The following CHRM3 variants were observed in gnomAD, a reference collection of about 807,000 sequenced individuals.
The protein encoded by CHRM3 is cholinergic receptor muscarinic 3, also known as muscarinic acetylcholine receptor M3.
CHRM3 carries 11 observed loss-of-function variants against 41.8 expected under a neutral mutation model. The ratio of observed to expected loss-of-function variants is 0.26; its 90% CI spans 0.17 to 0.44. The LOEUF is 0.44. Ranked by LOEUF, CHRM3 falls within the 20% of genes least tolerant of loss-of-function variation. The probability of loss-of-function intolerance (pLI) is 1.00; values close to 1 mark genes in which losing one functional copy is unlikely to be tolerated. For missense variants in CHRM3, 571 were observed against 745.4 expected (o/e 0.77, Z 2.72); for synonymous variants, 297 against 301.4 (o/e 0.99, Z 0.15).
At chr1:239,522,910 G>A (rs2248916) in intron 2 of CHRM3, among the ~76,000 whole-genome samples, 70,273 of 151,886 alleles carry the variant, frequency 0.46, 17,053 homozygotes, top group Middle Eastern at 0.63. Context: ...CCTTTCTTTA[G>A]TGTATAGTAT....
chr1:239,877,353 AG>A (rs556723432), intron 6 of CHRM3, among the ~76,000 whole-genome samples: 53 of 152,128 alleles, frequency 3.5e-4, no homozygotes, highest in Non-Finnish European at 6.2e-4. Flanking sequence ...AGGCTGAGGC[AG>A]GTGGATCACT....
chr1:239,473,546 C>T (rs1178921477), intron 1 of CHRM3, among the ~76,000 whole-genome samples: 5 of 152,028 alleles, frequency 3.3e-5, no homozygotes, highest in Non-Finnish European at 5.9e-5. Context: ...TAGCAATGTA[C>T]AGTAAAGCAG....
At chr1:239,820,067 G>T (rs998626037) in intron 5 of CHRM3, among the ~76,000 whole-genome samples, 2 of 152,062 alleles carry the variant, frequency 1.3e-5, no homozygotes, top group African/African-American at 4.8e-5. Flanking sequence ...ACCTGTTTCC[G>T]AACCCTCAAG....
At chr1:239,644,404 G>A (rs905543822) in intron 4 of CHRM3, among the ~76,000 whole-genome samples, 30 of 151,246 alleles carry the variant, frequency 2.0e-4, no homozygotes, top group South Asian at 8.4e-4. Context: ...GAGCCTACAT[G>A]TGGACTCTTA....
At chr1:239,615,068 T>C (rs1014091049) in intron 3 of CHRM3, among the ~76,000 whole-genome samples, 5 of 152,150 alleles carry the variant, frequency 3.3e-5, no homozygotes, top group African/African-American at 1.2e-4. Context: ...GTGGGGCAGA[T>C]ACCCTGAAGA....
At chr1:239,676,724 A>G (rs752628783) in intron 4 of CHRM3, among the ~76,000 whole-genome samples, 6 of 152,180 alleles carry the variant, frequency 3.9e-5, no homozygotes, top group Non-Finnish European at 7.3e-5. Flanking sequence ...CCCCTAGCAC[A>G]TGGTAGGGGT....
chr1:239,454,884 C>T (rs1205110864), intron 1 of CHRM3, among the ~76,000 whole-genome samples: 1 of 152,094 alleles, frequency 6.6e-6, no homozygotes, highest in Admixed American at 6.6e-5. Flanking sequence ...GCTCACTACC[C>T]GTGCATGTGT....
chr1:239,836,728 G>T (rs528121778), intron 6 of CHRM3, among the ~76,000 whole-genome samples: 1 of 152,044 alleles, frequency 6.6e-6, no homozygotes, highest in African/African-American at 2.4e-5. Context: ...CTGTAATCTC[G>T]GCACTTTGGG....
At chr1:239,890,688 T>G (rs1002462649) in intron 6 of CHRM3, among the ~76,000 whole-genome samples, 1 of 152,220 alleles carries the variant, frequency 6.6e-6, no homozygotes, top group Non-Finnish European at 1.5e-5. Context: ...ATTCATAGCA[T>G]GTTGTATATG....
At chr1:239,452,665 A>G (rs1002504770) in intron 1 of CHRM3, among the ~76,000 whole-genome samples, 1 of 152,240 alleles carries the variant, frequency 6.6e-6, no homozygotes, top group African/African-American at 2.4e-5. Flanking sequence ...TATAAATTGT[A>G]ACAGAACTCT....
rs549685367 is a variant in CHRM3 at position 239,586,965 on chromosome 1, G to T, written c.-313+41216G>T. ...AATACAGGTCTTTTGGATAAAGCTG[G>T]ATTTGAAAACATGGCTGGTTGAGAA... On this transcript the variant is annotated intron_variant, in intron 3 of 6. Coordinates refer to ENST00000676153, the MANE Select transcript of CHRM3 (RefSeq NM_001375978.1). Among the ~76,000 whole-genome samples, 43 of 152,272 alleles carry T rather than the reference G, an allele frequency of 2.8e-4. 1 individual carries two copies. The South Asian group carries it at 8.9e-3, about 32-fold the overall frequency.
chr1:239,431,221 C>G (rs1572272490), intron 1 of CHRM3, among the ~76,000 whole-genome samples: 1 of 152,240 alleles, frequency 6.6e-6, no homozygotes, highest in East Asian at 1.9e-4. Context: ...TTAATCTATG[C>G]AACCTTGTTT....
intron 2 of CHRM3, among the ~76,000 whole-genome samples, chr1:239,509,201 A>T (rs1668766236): frequency 6.6e-6 from 1 of 152,156 alleles, no homozygotes; most frequent in African/African-American, 2.4e-5. Context: ...GGGAAGAGTG[A>T]ATATATTTAG....
chr1:239,399,521 C>T (rs988592661), intron 1 of CHRM3, among the ~76,000 whole-genome samples: 5 of 152,086 alleles, frequency 3.3e-5, no homozygotes, highest in Admixed American at 1.3e-4. Context: ...TCCCTGTCCC[C>T]GCTGGAAACT....
At chr1:239,539,729 C>G (rs983791375) in intron 2 of CHRM3, among the ~76,000 whole-genome samples, 2 of 152,130 alleles carry the variant, frequency 1.3e-5, no homozygotes, top group African/African-American at 4.8e-5. Context: ...TCCCAAGGCT[C>G]AGGTGATCCT....
intron 5 of CHRM3, among the ~76,000 whole-genome samples, chr1:239,743,434 G>A (rs1180041368): frequency 6.6e-6 from 1 of 152,174 alleles, no homozygotes; most frequent in African/African-American, 2.4e-5. Context: ...CAGTGTTAAT[G>A]GAGGTGGCCT....
chr1:239,790,829 C>A (rs1669285420), intron 5 of CHRM3, among the ~76,000 whole-genome samples: 1 of 152,122 alleles, frequency 6.6e-6, no homozygotes, highest in South Asian at 2.1e-4. Flanking sequence ...GCTTGGGCCT[C>A]AAAATATAGC....
At chr1:239,465,636 A>T (rs907073196) in intron 1 of CHRM3, among the ~76,000 whole-genome samples, 4 of 152,028 alleles carry the variant, frequency 2.6e-5, no homozygotes, top group Admixed American at 1.3e-4. Flanking sequence ...GGGTAAGGTG[A>T]GGGGTCACTT....
At chr1:239,834,154 A>ACACACACACACC in intron 6 of CHRM3, among the ~76,000 whole-genome samples, 1 of 144,886 alleles carries the variant, frequency 6.9e-6, no homozygotes. Flanking sequence ...CACATCACAC[A>ACACACACACACC]CACACACACA....
Sources: gnomAD v4.1 joint callset for allele counts (sites outside exome capture counted in the v4.1 genomes callset) on GRCh38, gnomAD v4.1.1 for gene constraint, MANE v1.5 for transcripts, NCBI Gene and HGNC (gene_info 2026-07-23, HGNC 2026-07-21) for gene names.